The following ME3 variants were observed in gnomAD, a reference collection of about 807,000 sequenced individuals.
ME3 encodes NADP-dependent malic enzyme, mitochondrial.
In ME3, 48 loss-of-function variants were observed where a neutral mutation model predicts 68.9. The ratio of observed to expected loss-of-function variants is 0.70; its 90% CI spans 0.55 to 0.89. The LOEUF is 0.89. Ranked by LOEUF, ME3 falls within the 40% of genes least tolerant of loss-of-function variation. The pLI, the probability that ME3 is intolerant of heterozygous loss-of-function variation, is 0.00. For missense variants in ME3, 675 were observed against 797.4 expected (o/e 0.85, Z 1.85); for synonymous variants, 320 against 318.8 (o/e 1.00, Z -0.04).
intron 2 of ME3, among the ~76,000 whole-genome samples, chr11:86,658,980 C>CA (rs796190044): frequency 4.0e-5 from 6 of 151,680 alleles, no homozygotes; most frequent in Non-Finnish European, 7.4e-5. Flanking sequence ...TTTTACCAGT[C>CA]AAAAAAAATC....
the ME3 span, chr11:86,435,380 A>G: frequency 1.4e-4 from 22 of 152,224 alleles, no homozygotes; most frequent in Non-Finnish European, 7.3e-5. Flanking sequence ...TATGAAAGCA[A>G]TAAGGACTAG....
At chr11:86,510,542 A>G (rs535667223) in intron 4 of ME3, among the ~76,000 whole-genome samples, 17 of 152,272 alleles carry the variant, frequency 1.1e-4, no homozygotes, top group African/African-American at 3.6e-4. Context: ...TCAAATATCT[A>G]TAGACCAGCG....
At chr11:86,459,939 C>T (rs957990384) in intron 8 of ME3, among the ~76,000 whole-genome samples, 5 of 152,210 alleles carry the variant, frequency 3.3e-5, no homozygotes, top group Admixed American at 6.5e-5. Flanking sequence ...TGGCTCCAGC[C>T]ATGCTGTGTG....
chr11:86,628,384 C>T (rs1441917042), intron 2 of ME3, among the ~76,000 whole-genome samples: 1 of 152,196 alleles, frequency 6.6e-6, no homozygotes, highest in Non-Finnish European at 1.5e-5. Flanking sequence ...TTCTAAGATG[C>T]TATTTCTGTC....
At chr11:86,514,416 C>T (rs577569404) in intron 4 of ME3, among the ~76,000 whole-genome samples, 194 of 152,270 alleles carry the variant, frequency 1.3e-3, no homozygotes, top group African/African-American at 4.4e-3. Flanking sequence ...AGGAGGTGCT[C>T]CTACCTAGGC....
chr11:86,607,822 G>A (rs560567147), intron 2 of ME3, among the ~76,000 whole-genome samples: 7 of 151,948 alleles, frequency 4.6e-5, no homozygotes, highest in African/African-American at 7.2e-5. Flanking sequence ...TGCAGAATAC[G>A]CCTACTCCCC....
At chr11:86,481,543 A>G (rs1396148883) in intron 7 of ME3, among the ~76,000 whole-genome samples, 2 of 152,186 alleles carry the variant, frequency 1.3e-5, no homozygotes, top group Non-Finnish European at 2.9e-5. Flanking sequence ...GTATTAGCAT[A>G]TTAGACCCAC....
At chr11:86,523,114 T>C (rs1358439159) in intron 4 of ME3, among the ~76,000 whole-genome samples, 3 of 152,234 alleles carry the variant, frequency 2.0e-5, no homozygotes, top group Non-Finnish European at 4.4e-5. Context: ...TGTTGGCTCC[T>C]TGAAGACCTG....
chr11:86,447,855 C>CAAAA lies in ME3; in HGVS notation c.1237+291_1237+294dup, dbSNP rs35352939. On this transcript the variant is annotated intron_variant, in intron 11 of 14. Coordinates refer to ENST00000543262, the Ensembl canonical transcript of ME3. ...CCTGGACAAAACAGCTAAACTCTGTCAAAAAAAAAAAAAAAAAAAAGACAG... is the reference window on the plus strand; with the variant it reads ...CCTGGACAAAACAGCTAAACTCTGTCAAAAAAAAAAAAAAAAAAAAAAAAGACAG... Among the ~76,000 whole-genome samples the CAAAA allele has an allele frequency of 4.5e-4, 54 of 120,760 alleles. 1 individual carries two copies. Among genetic ancestry groups the CAAAA allele is most frequent in the African/African-American group, 1.6e-3 (47 of 29,758 alleles). The allele number at this position is 120,760 out of a possible 152,430, so 79.2% of individuals were successfully genotyped here. A position where few individuals can be genotyped will look rare whatever the true frequency, so the allele number is the denominator to read the frequency against.
At position 86,601,439 on chromosome 11, in the gene ME3, T is replaced by G. The variant is rs1048140650; in HGVS notation, c.184-41616A>C. Among the ~76,000 whole-genome samples, 6 of 151,998 alleles carry G rather than the reference T, an allele frequency of 3.9e-5. No homozygotes were observed. In the South Asian group the frequency reaches 6.2e-4, roughly 16 times the overall value. ...ATCTCTGAATAGACCAATAACAGGC[T>G]CTGAAATTGTGGCAATAATCACTAG... On this transcript the variant is annotated intron_variant, in intron 2 of 14. Transcript: ENST00000543262.
intron 5 of ME3, 142 bp from the exon 6 acceptor site, chr11:86,498,266 C>T (rs990698309): frequency 2.8e-5 from 28 of 999,084 alleles, no homozygotes; most frequent in South Asian, 2.7e-4. Flanking sequence ...GGGATAAGGC[C>T]GGAGCATTTA....
chr11:86,589,005 G>T (rs1051536926), intron 2 of ME3, among the ~76,000 whole-genome samples: 2 of 152,116 alleles, frequency 1.3e-5, no homozygotes, highest in Admixed American at 1.3e-4. Context: ...GCACCACTGG[G>T]GATAACGGCT....
At chr11:86,466,747 T>C (rs1950502297) in intron 7 of ME3, among the ~76,000 whole-genome samples, 1 of 152,158 alleles carries the variant, frequency 6.6e-6, no homozygotes, top group African/African-American at 2.4e-5. Context: ...GTCAAGGCTG[T>C]TGGTAGAAGG....
At chr11:86,665,877 G>C (rs1363798564) in intron 2 of ME3, among the ~76,000 whole-genome samples, 1 of 152,216 alleles carries the variant, frequency 6.6e-6, no homozygotes, top group Non-Finnish European at 1.5e-5. Flanking sequence ...TAAGCATCTA[G>C]AGGAGAAGAC....
At chr11:86,514,189 T>C (rs1454451196) in intron 4 of ME3, among the ~76,000 whole-genome samples, 4 of 152,182 alleles carry the variant, frequency 2.6e-5, no homozygotes, top group Admixed American at 1.3e-4. Flanking sequence ...CCCTTTGCCT[T>C]CCACCATAAT....
intron 5 of ME3, among the ~76,000 whole-genome samples, chr11:86,503,230 A>G (rs1451877672): frequency 6.6e-6 from 1 of 152,224 alleles, no homozygotes; most frequent in African/African-American, 2.4e-5. Flanking sequence ...CAATGAGTTA[A>G]TCTATGTAGA....
chr11:86,534,079 GTGTATATATATA>G (rs1390972662), intron 4 of ME3, among the ~76,000 whole-genome samples: 222 of 12,924 alleles, frequency 0.017, no homozygotes, highest in African/African-American at 0.058. Flanking sequence ...GTGTGTGTGT[GTGTATATATATA>G]TATATATATA....
exon 12 of ME3, chr11:86,447,091 C>T (rs1490823885): frequency 6.2e-7 from 1 of 1,614,038 alleles, no homozygotes; most frequent in Non-Finnish European, 8.5e-7. Context: ...CACTTCTCAG[C>T]CGTGCACTCG....
chr11:86,459,018 G>A (rs900739922), intron 8 of ME3, among the ~76,000 whole-genome samples: 4 of 152,190 alleles, frequency 2.6e-5, no homozygotes, highest in Admixed American at 2.0e-4. Flanking sequence ...GGTGACCACC[G>A]TCCAGTGTCA....
Sources: allele counts gnomAD v4.1 joint callset (sites outside exome capture counted in the v4.1 genomes callset), GRCh38; gene constraint gnomAD v4.1.1; transcripts MANE v1.5; gene names NCBI Gene and HGNC (gene_info 2026-07-23, HGNC 2026-07-21).